The following PTPRD variants were observed in gnomAD, a reference collection of about 807,000 sequenced individuals.
PTPRD encodes the protein protein tyrosine phosphatase receptor type D.
In PTPRD, 34 loss-of-function variants were observed where a neutral mutation model predicts 214.5. The ratio of observed to expected loss-of-function variants is 0.16; its 90% CI spans 0.12 to 0.21. PTPRD has a LOEUF of 0.21. PTPRD is among the 10% of genes least tolerant of loss of function. The pLI is 1.00. For synonymous variants in PTPRD, 1,128 were observed against 845.7 expected (o/e 1.33, Z -5.79); for missense variants, 2,545 against 2,398.7 (o/e 1.06, Z -1.27).
chr9:10,079,526 A>G (rs1002284038), intron 3 of PTPRD, among the ~76,000 whole-genome samples: 3 of 152,078 alleles, frequency 2.0e-5, no homozygotes, highest in Non-Finnish European at 4.4e-5. Context: ...TCACCATGCC[A>G]CTGCACTGCC....
At chr9:9,809,771 AG>A (rs2046566836) in intron 5 of PTPRD, among the ~76,000 whole-genome samples, 1 of 152,204 alleles carries the variant, frequency 6.6e-6, no homozygotes, top group African/African-American at 2.4e-5. Context: ...TGACCAAGAC[AG>A]GTGACATTCC....
chr9:9,160,384 C>T (rs1592659165), intron 10 of PTPRD, among the ~76,000 whole-genome samples: 1 of 152,106 alleles, frequency 6.6e-6, no homozygotes, highest in South Asian at 2.1e-4. Context: ...TTTGAAAACA[C>T]ATTTTTCAGA....
chr9:8,969,396 C>G (rs975820480), intron 11 of PTPRD, among the ~76,000 whole-genome samples: 2 of 151,932 alleles, frequency 1.3e-5, no homozygotes, highest in Non-Finnish European at 2.9e-5. Context: ...AACTTTTCCT[C>G]AAATATGAAA....
At chr9:10,150,620 G>A (rs2099054467) in intron 3 of PTPRD, among the ~76,000 whole-genome samples, 1 of 149,842 alleles carries the variant, frequency 6.7e-6, no homozygotes, top group Middle Eastern at 3.3e-3. Flanking sequence ...TAACAAACCT[G>A]TAAGTTGTGC....
At chr9:10,372,226 T>TAGATACGTGGG (rs1257649352) in intron 2 of PTPRD, among the ~76,000 whole-genome samples, 3 of 152,154 alleles carry the variant, frequency 2.0e-5, no homozygotes, top group African/African-American at 7.2e-5. Context: ...TCCTCTCCTT[T>TAGATACGTGGG]AGATTTCCAC....
intron 3 of PTPRD, among the ~76,000 whole-genome samples, chr9:10,157,590 G>C (rs755075155): frequency 6.6e-6 from 1 of 152,018 alleles, no homozygotes; most frequent in Non-Finnish European, 1.5e-5. Flanking sequence ...TTTGCCCTTG[G>C]GGAATCTGAT....
intron 9 of PTPRD, among the ~76,000 whole-genome samples, chr9:9,191,301 A>AG (rs1280258348): frequency 1.3e-5 from 2 of 152,096 alleles, no homozygotes; most frequent in Admixed American, 1.3e-4. Flanking sequence ...TGAGATAGGA[A>AG]GGGGTCTTCT....
intron 33 of PTPRD, among the ~76,000 whole-genome samples, chr9:8,454,311 T>C (rs1295298907): frequency 6.6e-6 from 1 of 152,246 alleles, no homozygotes; most frequent in Non-Finnish European, 1.5e-5. Context: ...CATTTTAATC[T>C]TGACCACAAA....
chr9:8,401,752 C>T (rs894039219), intron 36 of PTPRD, among the ~76,000 whole-genome samples: 16 of 152,142 alleles, frequency 1.1e-4, no homozygotes, highest in Admixed American at 2.0e-4. Context: ...GCGGCCACTT[C>T]CAGTTTTTGT....
chr9:10,595,337 CTAAT>C (rs1457368016), intron 2 of PTPRD, among the ~76,000 whole-genome samples: 2 of 151,770 alleles, frequency 1.3e-5, no homozygotes, highest in Non-Finnish European at 2.9e-5. Context: ...CAATTTACAA[CTAAT>C]TGAATAGCTT....
At chr9:9,868,602 A>C (rs1325023567) in intron 5 of PTPRD, among the ~76,000 whole-genome samples, 6 of 149,748 alleles carry the variant, frequency 4.0e-5, no homozygotes, top group Non-Finnish European at 5.9e-5. Context: ...TAAATTATTA[A>C]AAAAAAAAAT....
chr9:8,924,682 C>T (rs1233853854), intron 11 of PTPRD, among the ~76,000 whole-genome samples: 1 of 152,028 alleles, frequency 6.6e-6, no homozygotes, highest in East Asian at 1.9e-4. Context: ...CTGATCTTGT[C>T]TGTAGAAGGA....
intron 7 of PTPRD, among the ~76,000 whole-genome samples, chr9:9,641,166 G>C (rs989978929): frequency 4.2e-5 from 5 of 119,762 alleles, no homozygotes; most frequent in African/African-American, 1.3e-4. Flanking sequence ...TGTTGATGCT[G>C]CTTAGCAAAT....
At chr9:8,324,635 C>G (rs1278242360) in intron 44 of PTPRD, among the ~76,000 whole-genome samples, 5 of 152,108 alleles carry the variant, frequency 3.3e-5, no homozygotes, top group African/African-American at 9.7e-5. Context: ...ATTGCTGGGT[C>G]AAATGGTATT....
At chr9:9,913,161 A>T (rs916828247) in intron 5 of PTPRD, among the ~76,000 whole-genome samples, 2 of 152,230 alleles carry the variant, frequency 1.3e-5, no homozygotes, top group African/African-American at 4.8e-5. Flanking sequence ...TAATTGCTAT[A>T]TAAATTCATT....
At chr9:9,326,641 G>C (rs549253121) in intron 9 of PTPRD, among the ~76,000 whole-genome samples, 6 of 151,066 alleles carry the variant, frequency 4.0e-5, no homozygotes, top group African/African-American at 1.5e-4. Context: ...TGAGAGCATT[G>C]AAGATTTTTT....
At chr9:9,485,803 A>G (rs1210978044) in intron 8 of PTPRD, among the ~76,000 whole-genome samples, 1 of 152,126 alleles carries the variant, frequency 6.6e-6, no homozygotes, top group Non-Finnish European at 1.5e-5. Context: ...TTCTAGGGAT[A>G]TCACTTTCTC....
intron 11 of PTPRD, among the ~76,000 whole-genome samples, chr9:8,915,891 A>G (rs529781645): frequency 6.6e-6 from 1 of 152,320 alleles, no homozygotes; most frequent in South Asian, 2.1e-4. Flanking sequence ...TTGACCCAAT[A>G]TCTGGGCATC....
intron 11 of PTPRD, among the ~76,000 whole-genome samples, chr9:8,870,574 T>A (rs1426581551): frequency 6.6e-6 from 1 of 152,044 alleles, no homozygotes; most frequent in Non-Finnish European, 1.5e-5. Context: ...ACCCTCCAAC[T>A]ATTCTGGTTA....
Sources: allele counts gnomAD v4.1 joint callset (sites outside exome capture counted in the v4.1 genomes callset), GRCh38; gene constraint gnomAD v4.1.1; transcripts MANE v1.5; gene names NCBI Gene and HGNC (gene_info 2026-07-23, HGNC 2026-07-21).